Variants in EML4 observed in about 807,000 individuals in gnomAD.
EML4 encodes echinoderm microtubule-associated protein-like 4.
In EML4, 72 loss-of-function variants were observed where a neutral mutation model predicts 129.0. That is an observed-to-expected ratio of 0.56 (90% confidence interval 0.46 to 0.68). The LOEUF (loss-of-function observed/expected upper bound fraction) is 0.68, where lower values mean the gene tolerates loss of function less well. Among genes scored for constraint, EML4 ranks in the 30% least tolerant of loss-of-function variants. EML4 has a pLI of 0.00. For missense variants in EML4, 1,363 were observed against 1,190.6 expected (o/e 1.14, Z -2.13); for synonymous variants, 532 against 405.0 (o/e 1.31, Z -3.77).
chr2:42,208,939 A>G (rs1324598577), intron 1 of EML4, among the ~76,000 whole-genome samples: 1 of 151,824 alleles, frequency 6.6e-6, no homozygotes, highest in Non-Finnish European at 1.5e-5. Context: ...TACCCATCCC[A>G]TTTACAGTCT....
chr2:42,274,772 C>T (rs1315352330), intron 6 of EML4, among the ~76,000 whole-genome samples: 2 of 152,070 alleles, frequency 1.3e-5, no homozygotes, highest in Admixed American at 6.6e-5. Flanking sequence ...CTCGGAGTAT[C>T]AGATGGCCTA....
In EML4 at chr2:42,330,270, T is replaced by A; in HGVS notation, c.*63T>A. ...ATGTGATTTTGTGATAAAGTTCAGG[T>A]AACAGGATGGGCAGTGATGGAGAAT... is the stretch of plus-strand genomic sequence containing the variant. On this transcript the variant is annotated 3_prime_UTR_variant, in exon 23 of 23. Coordinates refer to ENST00000318522, the MANE Select transcript of EML4 (RefSeq NM_019063.5). The A allele has an allele frequency of 6.9e-7, 1 of 1,446,248 alleles. No individual in the cohort carries two copies. Among genetic ancestry groups the A allele is most frequent in the East Asian group, 2.3e-5 (1 of 43,740 alleles). 89.6% of individuals were successfully genotyped at this position (1,446,248 alleles called of 1,614,324 possible).
intron 6 of EML4, among the ~76,000 whole-genome samples, chr2:42,273,764 G>T (rs1315874374): frequency 6.6e-6 from 1 of 152,048 alleles, no homozygotes; most frequent in Non-Finnish European, 1.5e-5. Flanking sequence ...TTAAATCTGT[G>T]AAATAAGAAA....
chr2:42,279,662 G>A (rs2104455381), intron 6 of EML4, among the ~76,000 whole-genome samples: 2 of 151,928 alleles, frequency 1.3e-5, no homozygotes, highest in Non-Finnish European at 2.9e-5. Flanking sequence ...TTGTAGTAGA[G>A]ACGGGGTTTC....
chr2:42,299,212 C>G (rs192252037), intron 13 of EML4, among the ~76,000 whole-genome samples: 1 of 152,316 alleles, frequency 6.6e-6, no homozygotes, highest in Admixed American at 6.5e-5. Context: ...TTTCCTGTCT[C>G]CCTGCCATAT....
chr2:42,219,171 TAAGG>T (rs1673393784), intron 1 of EML4, among the ~76,000 whole-genome samples: 1 of 152,224 alleles, frequency 6.6e-6, no homozygotes, highest in Non-Finnish European at 1.5e-5. Flanking sequence ...CGGCATCAAA[TAAGG>T]AAGAGCCCCC....
intron 1 of EML4, among the ~76,000 whole-genome samples, chr2:42,230,211 T>A (rs1424393424): frequency 6.6e-6 from 1 of 152,086 alleles, no homozygotes; most frequent in African/African-American, 2.4e-5. Flanking sequence ...GTTTGGAGAG[T>A]TATTGCAAAG....
intron 2 of EML4, among the ~76,000 whole-genome samples, chr2:42,253,452 TAATG>T (rs1428705604): frequency 6.6e-6 from 1 of 152,158 alleles, no homozygotes; most frequent in Non-Finnish European, 1.5e-5. Flanking sequence ...GTACTTAAAA[TAATG>T]GGGCATATTA....
At position 42,330,494 on chromosome 2, in the gene EML4, G is replaced by C; in HGVS notation, c.*287G>C. 1 of 505,884 alleles carries C rather than the reference G, an allele frequency of 2.0e-6. No homozygotes were observed. Among genetic ancestry groups the C allele is most frequent in the Non-Finnish European group, 3.6e-6 (1 of 277,752 alleles). 31.3% of individuals were successfully genotyped at this position (505,884 alleles called of 1,614,324 possible). A position where few individuals can be genotyped will look rare whatever the true frequency, so the allele number is the denominator to read the frequency against. ...CCTAAGTGGTGTGATGTAAATACTG[G>C]AAACAAAAACAGCAGTTGCATTGAT... On this transcript the variant is annotated 3_prime_UTR_variant, in exon 23 of 23. Transcript: ENST00000318522.
intron 1 of EML4, among the ~76,000 whole-genome samples, chr2:42,192,303 C>A (rs1671641624): frequency 6.7e-6 from 1 of 148,634 alleles, no homozygotes; most frequent in African/African-American, 2.5e-5. Context: ...GTGGCACAAT[C>A]TTGGTGCTTA....
intron 19 of EML4, among the ~76,000 whole-genome samples, chr2:42,319,051 A>T (rs1669390936): frequency 6.6e-6 from 1 of 152,188 alleles, no homozygotes; most frequent in Admixed American, 6.5e-5. Flanking sequence ...TACCTTAATA[A>T]ACAGTATATC....
At chr2:42,229,623 G>C (rs1341801162) in intron 1 of EML4, among the ~76,000 whole-genome samples, 3 of 152,074 alleles carry the variant, frequency 2.0e-5, no homozygotes, top group Non-Finnish European at 2.9e-5. Flanking sequence ...TAAATACTGA[G>C]TTTGTCAGAG....
chr2:42,252,850 A>G (rs1381817055), intron 2 of EML4, among the ~76,000 whole-genome samples: 1 of 152,170 alleles, frequency 6.6e-6, no homozygotes, highest in South Asian at 2.1e-4. Context: ...TTATAGAATT[A>G]TGTGTCCTTT....
intron 1 of EML4, among the ~76,000 whole-genome samples, chr2:42,181,050 G>A (rs540981528): frequency 2.2e-4 from 34 of 152,232 alleles, no homozygotes; most frequent in African/African-American, 7.9e-4. Context: ...CTATTAGGTG[G>A]CACACAATTT....
intron 6 of EML4, among the ~76,000 whole-genome samples, chr2:42,275,307 A>T (rs1043968420): frequency 3.3e-5 from 5 of 152,190 alleles, no homozygotes; most frequent in African/African-American, 1.2e-4. Context: ...AGTATATCTC[A>T]ATTCAGACTA....
chr2:42,326,345 T>C (rs1191326837), intron 21 of EML4, 93 bp downstream of exon 21: 27 of 847,684 alleles, frequency 3.2e-5, no homozygotes, highest in Admixed American at 7.5e-5. Context: ...AAATAGTCTG[T>C]GTATTCTTTA....
intron 11 of EML4, among the ~76,000 whole-genome samples, chr2:42,293,946 T>A (rs1018748079): frequency 1.3e-5 from 2 of 152,212 alleles, no homozygotes; most frequent in Admixed American, 6.5e-5. Flanking sequence ...TCCGTACACG[T>A]AAAGTTCTTT....
chr2:42,326,881 C>T (rs1669837788), intron 21 of EML4, among the ~76,000 whole-genome samples: 2 of 152,120 alleles, frequency 1.3e-5, no homozygotes, highest in South Asian at 2.1e-4. Context: ...GACTCCAGCT[C>T]ATAAATAAAT....
intron 1 of EML4, among the ~76,000 whole-genome samples, chr2:42,215,288 G>T (rs1364835282): frequency 1.3e-5 from 2 of 152,104 alleles, no homozygotes; most frequent in Non-Finnish European, 2.9e-5. Context: ...TTGAACTCCT[G>T]GGATCAAGCC....
Sources: allele counts gnomAD v4.1 joint callset (sites outside exome capture counted in the v4.1 genomes callset), GRCh38; gene constraint gnomAD v4.1.1; transcripts MANE v1.5; gene names NCBI Gene and HGNC (gene_info 2026-07-23, HGNC 2026-07-21).